MACO1: variants seen among roughly 807,000 people sequenced by gnomAD.
MACO1 encodes the protein macoilin.
In MACO1, 14 loss-of-function variants were observed where a neutral mutation model predicts 78.7. That is an observed-to-expected ratio of 0.18 (90% CI 0.12 to 0.28). The LOEUF (loss-of-function observed/expected upper bound fraction) is 0.28, where lower values mean the gene tolerates loss of function less well. MACO1 is among the 10% of genes least tolerant of loss of function. The pLI, the probability that MACO1 is intolerant of heterozygous loss-of-function variation, is 1.00. For synonymous variants in MACO1, 288 were observed against 291.6 expected (o/e 0.99, Z 0.12); for missense variants, 501 against 799.0 (o/e 0.63, Z 4.50).
intron 1 of MACO1, among the ~76,000 whole-genome samples, chr1:25,444,499 AG>A (rs2042999020): frequency 6.6e-6 from 1 of 152,122 alleles, no homozygotes; most frequent in Non-Finnish European, 1.5e-5. Context: ...AAAAACTCTT[AG>A]TTTTAAAGTC....
Position 25,445,940 on chromosome 1 carries a change from A to C in MACO1, c.81-822A>C, listed in dbSNP as rs535013289. ...CTATTGTCCATTATGCAACTAATGA[A>C]CTGGAAAATTGACCTATAGAGTATA... On this transcript the variant is annotated intron_variant, in intron 1 of 10. Coordinates refer to ENST00000374343, the MANE Select transcript of MACO1 (RefSeq NM_018202.6). 7.9e-5 allele frequency among the ~76,000 whole-genome samples: 12 copies of C among 152,336 alleles called. No homozygotes were observed. The South Asian group carries it at 2.5e-3, about 32-fold the overall frequency.
chr1:25,443,976 A>G (rs1451329896), intron 1 of MACO1, among the ~76,000 whole-genome samples: 3 of 150,802 alleles, frequency 2.0e-5, no homozygotes, highest in Non-Finnish European at 4.4e-5. Flanking sequence ...TCTTGGCCAG[A>G]CACAGTGGCT....
At chr1:25,494,330 T>C (rs2043515639) in intron 10 of MACO1, among the ~76,000 whole-genome samples, 1 of 152,028 alleles carries the variant, frequency 6.6e-6, no homozygotes, top group Non-Finnish European at 1.5e-5. Context: ...GCTTTGATGA[T>C]GAATTTCAAG....
intron 1 of MACO1, among the ~76,000 whole-genome samples, chr1:25,437,550 A>G (rs1328018539): frequency 1.3e-5 from 2 of 152,074 alleles, no homozygotes; most frequent in African/African-American, 4.8e-5. Flanking sequence ...GAGAATGAAT[A>G]CTATGTTCAT....
rs574428140 is a variant in MACO1 at position 25,431,319 on chromosome 1, C to T, written c.80+141C>T. 1.1e-3 allele frequency: 410 copies of T among 369,598 alleles called. 4 individuals carry two copies. Among genetic ancestry groups the T allele is most frequent in the African/African-American group, 8.2e-3 (372 of 45,446 alleles). 22.9% of individuals were successfully genotyped at this position (369,598 alleles called of 1,614,324 possible). On this transcript the variant is annotated intron_variant, in intron 1 of 10. Transcript: ENST00000374343. ...TCCTAAGGAGCGCTGGCCCCGGAGC[C>T]GCTGGCCCGCCCGCCGGGGTCCGCC...
In MACO1 at chr1:25,485,709, A is replaced by G. The variant is rs201695852; in HGVS notation, c.1410A>G (p.Val470=). 1.2e-6 allele frequency: 2 copies of G among 1,614,218 alleles called. No individual in the cohort carries two copies. Among genetic ancestry groups the G allele is most frequent in the Non-Finnish European group, 1.7e-6 (2 of 1,180,040 alleles). The part of the protein sequence containing the change: ...LKAEQEARSF[V]EKQLMEEKKR... Reference sequence around the variant, plus strand: ...CTGAGCAGGAAGCCCGAAGTTTTGTAGAGAAACAGTTAATGGAAGAGAAAA... The same window carrying G: ...CTGAGCAGGAAGCCCGAAGTTTTGTGGAGAAACAGTTAATGGAAGAGAAAA... Residue 470 remains valine (V), a synonymous_variant, in exon 8 of 11, where the codon GTA becomes GTG. Transcript: ENST00000374343. This position sits in a 1 kb window ranked among gnomAD's most constrained non-coding sequence, Gnocchi z 4.3.
chr1:25,464,665 C>A (rs929241131), intron 6 of MACO1, among the ~76,000 whole-genome samples: 1 of 99,462 alleles, frequency 1.0e-5, no homozygotes, highest in Non-Finnish European at 2.3e-5. Flanking sequence ...CCCCCACCCC[C>A]CCCCTCCGCG....
At chr1:25,443,080 C>CT (rs1381179635) in intron 1 of MACO1, among the ~76,000 whole-genome samples, 1 of 152,156 alleles carries the variant, frequency 6.6e-6, no homozygotes, top group Non-Finnish European at 1.5e-5. Flanking sequence ...AAATCCCTGT[C>CT]TAATTTTCTC....
At chr1:25,487,473 A>C (rs2043444049) in intron 8 of MACO1, among the ~76,000 whole-genome samples, 1 of 152,144 alleles carries the variant, frequency 6.6e-6, no homozygotes, top group African/African-American at 2.4e-5. Context: ...TATTCAGTAA[A>C]TCTCAGGGCA....
chr1:25,436,572 A>T (rs1444805643), intron 1 of MACO1, among the ~76,000 whole-genome samples: 1 of 152,100 alleles, frequency 6.6e-6, no homozygotes, highest in Non-Finnish European at 1.5e-5. Context: ...CATAAGTAGG[A>T]TGGTACATAC....
At chr1:25,469,700 G>A (rs553443153) in intron 6 of MACO1, among the ~76,000 whole-genome samples, 6 of 144,868 alleles carry the variant, frequency 4.1e-5, no homozygotes, top group South Asian at 2.2e-4. Flanking sequence ...GCAGTGGTCC[G>A]ATCTCGGCTC....
chr1:25,472,651 T>C (rs2043284127), intron 6 of MACO1, among the ~76,000 whole-genome samples: 1 of 152,210 alleles, frequency 6.6e-6, no homozygotes, highest in Non-Finnish European at 1.5e-5. Flanking sequence ...GCATTTTGCT[T>C]GTGTCAGGAG....
At chr1:25,433,392 T>G (rs1229425218) in intron 1 of MACO1, among the ~76,000 whole-genome samples, 1 of 152,208 alleles carries the variant, frequency 6.6e-6, no homozygotes, top group Non-Finnish European at 1.5e-5. Flanking sequence ...AATATCAAAT[T>G]TCTGGTGATC....
chr1:25,463,645 A>G (rs2043190515), intron 6 of MACO1, among the ~76,000 whole-genome samples: 1 of 152,216 alleles, frequency 6.6e-6, no homozygotes, highest in South Asian at 2.1e-4. Context: ...TATAAATTAG[A>G]ATAAGGTTGG....
At chr1:25,480,273 C>T (rs1375161183) in intron 6 of MACO1, among the ~76,000 whole-genome samples, 1 of 152,140 alleles carries the variant, frequency 6.6e-6, no homozygotes, top group Non-Finnish European at 1.5e-5. Flanking sequence ...AGCCATTGGG[C>T]AGTGTTCTTG....
At chr1:25,483,416 A>C (rs937306430) in intron 6 of MACO1, among the ~76,000 whole-genome samples, 7 of 152,230 alleles carry the variant, frequency 4.6e-5, no homozygotes, top group Non-Finnish European at 8.8e-5. Context: ...CTGTCACTTA[A>C]AGTGAAACTA....
intron 10 of MACO1, among the ~76,000 whole-genome samples, chr1:25,495,076 G>A (rs568937932): frequency 1.3e-5 from 2 of 152,154 alleles, no homozygotes; most frequent in Non-Finnish European, 2.9e-5. Context: ...CTTTGAAGCC[G>A]AGCTTCTGAC....
At chr1:25,445,701 GTTTT>G (rs975614460) in intron 1 of MACO1, among the ~76,000 whole-genome samples, 3 of 150,812 alleles carry the variant, frequency 2.0e-5, no homozygotes, top group African/African-American at 4.9e-5. Context: ...CAATTTTGTT[GTTTT>G]TTTAAATGAC....
At position 25,454,238 on chromosome 1, in the gene MACO1, C is replaced by G. The variant is rs201356261; in HGVS notation, c.350-21C>G. On this transcript the variant is annotated intron_variant, in intron 3 of 10. Coordinates refer to ENST00000374343, the MANE Select transcript of MACO1 (RefSeq NM_018202.6). ...TACTATATCGTTTATTAATGCTTGC[C>G]TCTCTGCTGCTTTCTCACAGAAAGG... 465 of 1,559,354 alleles carry G rather than the reference C, an allele frequency of 3.0e-4. 10 individuals are homozygous for G. Among genetic ancestry groups the G allele is most frequent in the South Asian group, 2.8e-3 (227 of 81,794 alleles).
Sources: allele counts gnomAD v4.1 joint callset (sites outside exome capture counted in the v4.1 genomes callset), GRCh38; gene constraint gnomAD v4.1.1; non-coding constraint Gnocchi (gnomAD v3.1); transcripts MANE v1.5; gene names NCBI Gene and HGNC (gene_info 2026-07-23, HGNC 2026-07-21).